Variants in ARHGAP24 observed in about 807,000 individuals in gnomAD.
ARHGAP24 encodes the protein rho GTPase-activating protein 24.
ARHGAP24 carries 50 observed loss-of-function variants against 76.4 expected under a neutral mutation model. That is an observed-to-expected ratio of 0.65 (90% CI 0.52 to 0.83). The LOEUF is 0.83. Ranked by LOEUF, ARHGAP24 falls within the 40% of genes least tolerant of loss-of-function variation. ARHGAP24 has a pLI of 0.00. For missense variants in ARHGAP24, 930 were observed against 914.2 expected, an observed-to-expected ratio of 1.02 and a Z score of -0.22; for synonymous variants, 345 against 323.3, an observed-to-expected ratio of 1.07 and a Z score of -0.72.
chr4:85,864,880 A>G (rs956024387), intron 3 of ARHGAP24, among the ~76,000 whole-genome samples: 1 of 152,150 alleles, frequency 6.6e-6, no homozygotes, highest in Non-Finnish European at 1.5e-5. Context: ...GCTTTTCACT[A>G]AAATGTCTTA....
chr4:85,790,656 C>A (rs1728077179), intron 3 of ARHGAP24, among the ~76,000 whole-genome samples: 1 of 152,190 alleles, frequency 6.6e-6, no homozygotes, highest in African/African-American at 2.4e-5. Context: ...GGGATATTTA[C>A]AGTGTCTCTT....
chr4:85,881,459 TG>T (rs1733248719), intron 3 of ARHGAP24, among the ~76,000 whole-genome samples: 1 of 2,382 alleles, frequency 4.2e-4, no homozygotes, highest in African/African-American at 5.0e-4. Flanking sequence ...CAGGGTTTTG[TG>T]TTTTTTTTTT....
rs530114146 is a variant in ARHGAP24 at position 85,835,893 on chromosome 4, C to G, written c.269-87755C>G. The stretch of plus-strand genomic sequence containing the variant: ...TGGAGACAGGGTTTCACCATGTTGG[C>G]CAGACTGGTCTGGAACACCTGAGCT... On this transcript the variant is annotated intron_variant, in intron 3 of 9. Transcript: ENST00000395184. 3.3e-5 allele frequency among the ~76,000 whole-genome samples: 5 copies of G among 152,192 alleles called. No homozygotes were observed. The East Asian group carries it at 9.7e-4, about 30-fold the overall frequency.
Position 85,570,501 on chromosome 4 carries a change from TTC to T in ARHGAP24, c.-20-19_-20-18del. 1 of 1,607,518 alleles carries T rather than the reference TTC, an allele frequency of 6.2e-7. No individual in the cohort carries two copies. Among genetic ancestry groups the T allele is most frequent in the Non-Finnish European group, 8.5e-7 (1 of 1,175,076 alleles). On this transcript the variant is annotated intron_variant, in intron 1 of 9. Coordinates refer to ENST00000395184, the MANE Select transcript of ARHGAP24 (RefSeq NM_001025616.3). ...TAACAGAGCACCTCATTATTTTCCT[TTC>T]TTTTTGTTTGCTAACTAGGAAAGTC...
At chr4:85,758,967 G>T (rs190816269) in intron 3 of ARHGAP24, among the ~76,000 whole-genome samples, 2 of 151,984 alleles carry the variant, frequency 1.3e-5, no homozygotes, top group African/African-American at 4.8e-5. Flanking sequence ...TTATCGTTAC[G>T]CTACTTCTTT....
At chr4:85,624,921 C>T (rs2110007247) in intron 2 of ARHGAP24, among the ~76,000 whole-genome samples, 1 of 152,066 alleles carries the variant, frequency 6.6e-6, no homozygotes, top group Admixed American at 6.5e-5. Context: ...TGGTGATATC[C>T]CCTTTCTCAT....
At chr4:85,933,683 T>C (rs557025146) in intron 4 of ARHGAP24, among the ~76,000 whole-genome samples, 1 of 152,330 alleles carries the variant, frequency 6.6e-6, no homozygotes, top group South Asian at 2.1e-4. Flanking sequence ...ACAATTTTTC[T>C]TTACCTCTAT....
intron 1 of ARHGAP24, among the ~76,000 whole-genome samples, chr4:85,517,628 T>C (rs536322580): frequency 6.6e-6 from 1 of 152,288 alleles, no homozygotes; most frequent in South Asian, 2.1e-4. Context: ...ATTTTAGTGT[T>C]TTCTTATTAA....
intron 4 of ARHGAP24, chr4:85,930,348 C>T (rs1012948428): frequency 2.3e-5 from 23 of 986,300 alleles, no homozygotes; most frequent in Admixed American, 6.2e-5. Flanking sequence ...ATAAAAGAAG[C>T]AGGGGGGTCC....
chr4:85,754,678 C>A (rs967642048), intron 3 of ARHGAP24, among the ~76,000 whole-genome samples: 1 of 152,166 alleles, frequency 6.6e-6, no homozygotes, highest in Admixed American at 6.5e-5. Context: ...TGAGGAATGT[C>A]TAAGTTTGGT....
intron 1 of ARHGAP24, among the ~76,000 whole-genome samples, chr4:85,516,220 C>G (rs1376884760): frequency 6.6e-6 from 1 of 152,148 alleles, no homozygotes; most frequent in Non-Finnish European, 1.5e-5. Context: ...GGTCTCTTAT[C>G]CAGATCTGGT....
chr4:85,981,859 T>G (rs1401443296), intron 8 of ARHGAP24, among the ~76,000 whole-genome samples: 1 of 152,092 alleles, frequency 6.6e-6, no homozygotes. Context: ...CCCTCCCACT[T>G]TTAGCCGCTC....
intron 1 of ARHGAP24, among the ~76,000 whole-genome samples, chr4:85,517,365 C>T (rs141735824): frequency 5.3e-5 from 8 of 150,372 alleles, no homozygotes; most frequent in South Asian, 2.2e-4. Context: ...TAATTGTGGA[C>T]ATTTTTATGA....
intron 3 of ARHGAP24, among the ~76,000 whole-genome samples, chr4:85,802,932 A>C (rs2110106002): frequency 6.6e-6 from 1 of 152,366 alleles, no homozygotes; most frequent in East Asian, 1.9e-4. Flanking sequence ...GCACATTGGA[A>C]TAAAAAGGAT....
chr4:85,661,812 C>A (rs2109992665), intron 2 of ARHGAP24, among the ~76,000 whole-genome samples: 1 of 152,130 alleles, frequency 6.6e-6, no homozygotes, highest in South Asian at 2.1e-4. Context: ...ATGATGATTT[C>A]CAATTTCATC....
At chr4:85,511,557 G>A (rs1249507422) in intron 1 of ARHGAP24, among the ~76,000 whole-genome samples, 1 of 151,990 alleles carries the variant, frequency 6.6e-6, no homozygotes, top group Non-Finnish European at 1.5e-5. Flanking sequence ...CTTCCTCACG[G>A]GTTCAAACAA....
At chr4:85,611,798 G>A (rs890196414) in intron 2 of ARHGAP24, among the ~76,000 whole-genome samples, 2 of 152,136 alleles carry the variant, frequency 1.3e-5, no homozygotes, top group African/African-American at 2.4e-5. Flanking sequence ...AAACTTGATG[G>A]ACTAGGCAAG....
intron 1 of ARHGAP24, among the ~76,000 whole-genome samples, chr4:85,518,355 TA>T (rs34673281): frequency 0.12 from 18,339 of 151,800 alleles, 3,131 homozygotes; most frequent in African/African-American, 0.38. Flanking sequence ...TTTCTTTTTT[TA>T]AAAAAATTTA....
chr4:85,938,751 T>C (rs1341227591), intron 4 of ARHGAP24, among the ~76,000 whole-genome samples: 1 of 152,226 alleles, frequency 6.6e-6, no homozygotes, highest in Non-Finnish European at 1.5e-5. Flanking sequence ...ACTGCTGTAT[T>C]AAAGGCATCA....
Sources: allele counts gnomAD v4.1 joint callset (sites outside exome capture counted in the v4.1 genomes callset), GRCh38; gene constraint gnomAD v4.1.1; transcripts MANE v1.5; gene names NCBI Gene and HGNC (gene_info 2026-07-23, HGNC 2026-07-21).